Variants in AP3D1 observed in about 807,000 individuals in gnomAD.
The protein encoded by AP3D1 is adaptor related protein complex 3 subunit delta 1.
In AP3D1, 51 loss-of-function variants were observed where a neutral mutation model predicts 147.6. The observed-to-expected ratio is 0.35, with a 90% CI of 0.28 to 0.44. The LOEUF (loss-of-function observed/expected upper bound fraction) is 0.44, where lower values mean the gene tolerates loss of function less well. AP3D1 is among the 20% of genes least tolerant of loss of function. The probability of loss-of-function intolerance (pLI) is 1.00; values close to 1 mark genes in which losing one functional copy is unlikely to be tolerated. For synonymous variants in AP3D1, 760 were observed against 663.0 expected (o/e 1.15, Z -2.25); for missense variants, 1,421 against 1,624.2 (o/e 0.87, Z 2.15).
intron 31 of AP3D1, among the ~76,000 whole-genome samples, chr19:2,106,702 C>A (rs2018119454): frequency 6.6e-6 from 1 of 152,116 alleles, no homozygotes; most frequent in Admixed American, 6.5e-5. Context: ...ATCTGTACAA[C>A]AAAATATGAT....
intron 28 of AP3D1, 24 bp from the exon 29 acceptor site, chr19:2,109,982 A>C (rs773919127): frequency 6.2e-7 from 1 of 1,612,198 alleles, no homozygotes. Context: ...AAGGTGGTGC[A>C]GTTGAGAGGG....
chr19:2,147,904 G>C (rs1327014993), intron 1 of AP3D1, among the ~76,000 whole-genome samples: 1 of 151,004 alleles, frequency 6.6e-6, no homozygotes, highest in Non-Finnish European at 1.5e-5. Context: ...AGAAAAAAAG[G>C]CTGGGCACCG....
chr19:2,116,930 G>T, intron 16 of AP3D1, 184 bp from the exon 17 acceptor site: 1 of 917,756 alleles, frequency 1.1e-6, no homozygotes, highest in Non-Finnish European at 1.6e-6. Context: ...GACCCAGGAA[G>T]ACTGCGGCAG....
At chr19:2,117,002 A>G in intron 16 of AP3D1, 1 of 798,706 alleles carries the variant, frequency 1.3e-6, no homozygotes, top group Non-Finnish European at 1.9e-6. Flanking sequence ...CAAGGGTGGG[A>G]GCAGGCCCAC....
At chr19:2,113,671 C>T (rs1366249195) in intron 22 of AP3D1, among the ~76,000 whole-genome samples, 1 of 152,224 alleles carries the variant, frequency 6.6e-6, no homozygotes, top group Non-Finnish European at 1.5e-5. Flanking sequence ...GGTCAGAAGG[C>T]CCGTGGCGGC....
At chr19:2,144,035 G>A (rs1346466996) in intron 1 of AP3D1, among the ~76,000 whole-genome samples, 2 of 150,534 alleles carry the variant, frequency 1.3e-5, no homozygotes, top group African/African-American at 2.4e-5. Context: ...GCGGTGAGCC[G>A]AGATCGCGCC....
chr19:2,128,275 C>G (rs559598881), intron 8 of AP3D1, among the ~76,000 whole-genome samples: 3 of 152,208 alleles, frequency 2.0e-5, no homozygotes, highest in Admixed American at 6.5e-5. Flanking sequence ...TGCGGAGACC[C>G]ACAAAGAAAA....
intron 17 of AP3D1, 146 bp downstream of exon 17, chr19:2,116,459 T>C: frequency 8.0e-7 from 1 of 1,245,758 alleles, no homozygotes; most frequent in Non-Finnish European, 1.1e-6. Context: ...GGAAAAGGAA[T>C]CGCTAACGCT....
chr19:2,147,102 TG>T (rs2019376367), intron 1 of AP3D1, among the ~76,000 whole-genome samples: 1 of 152,174 alleles, frequency 6.6e-6, no homozygotes, highest in Admixed American at 6.5e-5. Context: ...CCCAGCTCTT[TG>T]GGAGGCCGAG....
At chr19:2,131,007 C>T (rs1008898538) in intron 5 of AP3D1, among the ~76,000 whole-genome samples, 1 of 152,248 alleles carries the variant, frequency 6.6e-6, no homozygotes, top group Admixed American at 6.5e-5. Flanking sequence ...CTCGTGGGCT[C>T]CCCACTGCTT....
At chr19:2,157,904 G>C (rs537279489) in intron 1 of AP3D1, among the ~76,000 whole-genome samples, 5 of 152,346 alleles carry the variant, frequency 3.3e-5, no homozygotes, top group African/African-American at 1.2e-4. Context: ...GAGCAGAGAG[G>C]AGACTGGCAA....
At chr19:2,119,597 G>A (rs543748422) in intron 14 of AP3D1, among the ~76,000 whole-genome samples, 6 of 151,302 alleles carry the variant, frequency 4.0e-5, no homozygotes, top group East Asian at 2.0e-4. Flanking sequence ...TTGCGAGGCT[G>A]AGGCAGGAGA....
chr19:2,159,788 C>T (rs1005620093), intron 1 of AP3D1, among the ~76,000 whole-genome samples: 11 of 152,032 alleles, frequency 7.2e-5, no homozygotes, highest in African/African-American at 2.4e-4. Flanking sequence ...GCAAGCTCCA[C>T]CTCCCAGGTT....
At position 2,115,210 on chromosome 19, in the gene AP3D1, G is replaced by A. The variant is rs757220147; in HGVS notation, c.2349+9C>T. On this transcript the variant is annotated intron_variant, in intron 20 of 31. Coordinates refer to ENST00000643116, the MANE Select transcript of AP3D1 (RefSeq NM_001261826.3). ...ACATCCTAGGACCGGGACCTCCAGC[G>A]AGGCTGACCTCAGGCATCTCCTCTG... The A allele has an allele frequency of 3.2e-5, 51 of 1,610,260 alleles. No homozygotes were observed. The highest frequency in any genetic ancestry group is 5.0e-5 in the Admixed American group (3 of 59,940).
intron 1 of AP3D1, among the ~76,000 whole-genome samples, chr19:2,149,122 T>C (rs2019438689): frequency 6.6e-6 from 1 of 152,112 alleles, no homozygotes; most frequent in Admixed American, 6.6e-5. Context: ...CTCTGGACCA[T>C]AACAATCGTC....
At chr19:2,151,116 G>C in intron 1 of AP3D1, 123 bp downstream of exon 1, 1 of 903,056 alleles carries the variant, frequency 1.1e-6, no homozygotes. Flanking sequence ...GGAGCCCTAA[G>C]CGGGACCTCC....
intron 9 of AP3D1, among the ~76,000 whole-genome samples, chr19:2,125,346 G>A (rs760357334): frequency 4.6e-5 from 7 of 151,922 alleles, no homozygotes; most frequent in East Asian, 3.9e-4. Context: ...AAGAAGTTTC[G>A]CTCTTGTTGC....
chr19:2,148,443 T>G (rs532310116), intron 1 of AP3D1, among the ~76,000 whole-genome samples: 2 of 152,360 alleles, frequency 1.3e-5, no homozygotes, highest in African/African-American at 2.4e-5. Context: ...TGTATGTGCC[T>G]GCACTCTGGT....
At chr19:2,155,053 A>C (rs2019633909), upstream of AP3D1, among the ~76,000 whole-genome samples, 2 of 151,926 alleles carry the variant, frequency 1.3e-5, no homozygotes, top group South Asian at 2.1e-4. Context: ...GGTGGCGAGC[A>C]CCTGTAATCC....
Sources: allele counts gnomAD v4.1 joint callset (sites outside exome capture counted in the v4.1 genomes callset), GRCh38; gene constraint gnomAD v4.1.1; transcripts MANE v1.5; gene names NCBI Gene and HGNC (gene_info 2026-07-23, HGNC 2026-07-21).